Variants in RASGRF1 observed in about 807,000 individuals in gnomAD.
RASGRF1 encodes the protein Ras protein specific guanine nucleotide releasing factor 1.
In RASGRF1, 40 loss-of-function variants were observed where a neutral mutation model predicts 138.7. The observed-to-expected ratio is 0.29, with a 90% CI of 0.22 to 0.38. The LOEUF (loss-of-function observed/expected upper bound fraction) is 0.38. Ranked by LOEUF, RASGRF1 falls within the 10% of genes least tolerant of loss-of-function variation. The pLI is 1.00. For synonymous variants in RASGRF1, 614 were observed against 663.2 expected (o/e 0.93, Z 1.14); for missense variants, 1,108 against 1,650.4 (o/e 0.67, Z 5.69).
At chr15:79,014,102 G>A (rs1370791758) in intron 13 of RASGRF1, among the ~76,000 whole-genome samples, 1 of 152,206 alleles carries the variant, frequency 6.6e-6, no homozygotes, top group Non-Finnish European at 1.5e-5. Context: ...TGGCATGGAT[G>A]TGGTGAAAAG....
At chr15:78,984,615 T>A in intron 23 of RASGRF1, 1 of 270,058 alleles carries the variant, frequency 3.7e-6, no homozygotes, top group South Asian at 4.6e-5. Context: ...GGAAGTGTCC[T>A]CTGACGGAAG....
intron 24 of RASGRF1, among the ~76,000 whole-genome samples, chr15:78,978,226 T>TTTC (rs1380507082): frequency 6.3e-5 from 2 of 31,802 alleles, no homozygotes; most frequent in Non-Finnish European, 1.3e-4. Flanking sequence ...TTTTGTTTTT[T>TTTC]TTTTTTTTTT....
At chr15:79,055,668 C>T (rs2057501554) in intron 3 of RASGRF1, among the ~76,000 whole-genome samples, 1 of 152,216 alleles carries the variant, frequency 6.6e-6, no homozygotes, top group Admixed American at 6.5e-5. Context: ...GCACCTACAC[C>T]CCTTCTCTGA....
intron 3 of RASGRF1, among the ~76,000 whole-genome samples, chr15:79,057,515 G>C (rs544661411): frequency 6.6e-6 from 1 of 152,226 alleles, no homozygotes; most frequent in Admixed American, 6.5e-5. Flanking sequence ...CAAAATCTGT[G>C]GTCCTTGTAT....
chr15:79,015,250 C>T, intron 13 of RASGRF1, 77 bp downstream of exon 13: 1 of 1,428,514 alleles, frequency 7.0e-7, no homozygotes, highest in Non-Finnish European at 9.9e-7. Context: ...CTGGCTCATC[C>T]CAGTGTCCTG....
At chr15:79,080,137 A>T (rs1189328892) in intron 1 of RASGRF1, among the ~76,000 whole-genome samples, 1 of 148,600 alleles carries the variant, frequency 6.7e-6, no homozygotes, top group Non-Finnish European at 1.5e-5. Context: ...TGACTATCTC[A>T]TAACTAGCCT....
chr15:79,070,502 A>G (rs947392664), intron 1 of RASGRF1, among the ~76,000 whole-genome samples: 1 of 152,180 alleles, frequency 6.6e-6, no homozygotes, highest in Non-Finnish European at 1.5e-5. Context: ...ATATTCCTAC[A>G]TGTTTCAGAT....
chr15:78,965,637 G>A, intron 26 of RASGRF1, among the ~76,000 whole-genome samples: 1 of 152,160 alleles, frequency 6.6e-6, no homozygotes, highest in Non-Finnish European at 1.5e-5. Flanking sequence ...GATCACTTGA[G>A]GTCAGGAGTT....
Position 79,034,406 on chromosome 15 carries a change from T to C in RASGRF1, c.958+725A>G, listed in dbSNP as rs1159250940. On this transcript the variant is annotated intron_variant, in intron 6 of 26. Transcript: ENST00000558480. ...TCTTGGAGAACAATGGGACAATATG[T>C]ATGAAGCAAGAGCTTTTCACATGTT... Among the ~76,000 whole-genome samples the C allele has an allele frequency of 5.9e-5, 9 of 152,240 alleles. No homozygotes were observed. In the East Asian group the frequency reaches 1.5e-3, roughly 26 times the overall value.
In RASGRF1 at chr15:79,003,948, C is replaced by T; in HGVS notation, c.2303G>A (p.Ser768Asn). Residue 768 changes from serine to asparagine, a missense_variant, in exon 15 of 27, where the codon AGC becomes AAC. Ser to Asn is a conservative substitution (Grantham distance 46, BLOSUM62 1). Transcript: ENST00000558480. ...GAAGGGTGACATGGCCGAGTACATGCTGGTGTAGCCATTGGAGTTGCAGCT... is the reference window on the plus strand; with the variant it reads ...GAAGGGTGACATGGCCGAGTACATGTTGGTGTAGCCATTGGAGTTGCAGCT... ...ALSCNSNGYT[S>N]MYSAMSPFSK... 1 of 1,614,192 alleles carries T rather than the reference C, an allele frequency of 6.2e-7. No individual in the cohort carries two copies. The highest frequency in any genetic ancestry group is 8.5e-7 in the Non-Finnish European group (1 of 1,180,022).
intron 10 of RASGRF1, among the ~76,000 whole-genome samples, chr15:79,022,669 C>T (rs1023574220): frequency 3.9e-5 from 6 of 152,096 alleles, no homozygotes; most frequent in Non-Finnish European, 5.9e-5. Context: ...ATAATGAAAG[C>T]GTTCCTTGAC....
intron 5 of RASGRF1, among the ~76,000 whole-genome samples, chr15:79,044,125 C>A (rs1350881777): frequency 6.6e-6 from 1 of 152,222 alleles, no homozygotes; most frequent in East Asian, 1.9e-4. Flanking sequence ...ATACTCCACT[C>A]TCCCCAAGGA....
At chr15:79,007,544 A>G (rs1308965589) in intron 13 of RASGRF1, among the ~76,000 whole-genome samples, 1 of 49,658 alleles carries the variant, frequency 2.0e-5, no homozygotes, top group South Asian at 7.9e-4. Context: ...GGCCGTATCT[A>G]GTTTTTTTTT....
At chr15:79,004,203 C>T (rs2056617627) in intron 14 of RASGRF1, 28 bp from the exon 15 acceptor site, 2 of 1,537,000 alleles carry the variant, frequency 1.3e-6, no homozygotes, top group South Asian at 2.5e-5. Context: ...GTGAAAATGA[C>T]AGTTAGCGTA....
chr15:79,077,394 T>C (rs1289837156), intron 1 of RASGRF1, among the ~76,000 whole-genome samples: 10 of 152,238 alleles, frequency 6.6e-5, no homozygotes, highest in Non-Finnish European at 1.5e-4. Flanking sequence ...TCCTCGTTCA[T>C]GAAAAGGCTC....
At chr15:79,002,103 T>G (rs2056542883) in intron 15 of RASGRF1, among the ~76,000 whole-genome samples, 1 of 152,082 alleles carries the variant, frequency 6.6e-6, no homozygotes, top group Non-Finnish European at 1.5e-5. Context: ...GAGTCTGCAT[T>G]TCTAACAGGT....
At chr15:79,034,238 A>G (rs187726667) in intron 6 of RASGRF1, among the ~76,000 whole-genome samples, 9 of 152,236 alleles carry the variant, frequency 5.9e-5, no homozygotes, top group African/African-American at 1.7e-4. Context: ...CTTTGCCTCC[A>G]TCATGGAGAT....
chr15:78,971,717 G>A, intron 26 of RASGRF1, 149 bp downstream of exon 26: 2 of 708,554 alleles, frequency 2.8e-6, no homozygotes, highest in Non-Finnish European at 5.0e-6. Context: ...AGGGACTAGG[G>A]AAGCCTTCCT....
intron 6 of RASGRF1, among the ~76,000 whole-genome samples, chr15:79,034,807 T>G (rs1469141562): frequency 6.6e-6 from 1 of 152,222 alleles, no homozygotes; most frequent in Admixed American, 6.5e-5. Context: ...AAAGTGTTTG[T>G]AGTGGTTATC....
Sources: allele counts gnomAD v4.1 joint callset (sites outside exome capture counted in the v4.1 genomes callset), GRCh38; gene constraint gnomAD v4.1.1; transcripts MANE v1.5; gene names NCBI Gene and HGNC (gene_info 2026-07-23, HGNC 2026-07-21).